STXBP5: variants seen among roughly 807,000 people sequenced by gnomAD.
STXBP5 encodes the protein syntaxin binding protein 5.
Under a neutral mutation model 152.4 loss-of-function variants are expected in STXBP5, and 50 were observed. The ratio of observed to expected loss-of-function variants is 0.33; its 90% confidence interval spans 0.26 to 0.42. The LOEUF is 0.42. Among genes scored for constraint, STXBP5 ranks in the 10% least tolerant of loss-of-function variants. The pLI is 1.00. For missense variants in STXBP5, 1,167 were observed against 1,388.6 expected, an observed-to-expected ratio of 0.84 and a Z score of 2.54; for synonymous variants, 492 against 494.7, an observed-to-expected ratio of 0.99 and a Z score of 0.07.
intron 23 of STXBP5, among the ~76,000 whole-genome samples, chr6:147,361,485 G>A (rs1321395561): frequency 6.6e-6 from 1 of 152,126 alleles, no homozygotes; most frequent in Non-Finnish European, 1.5e-5. Flanking sequence ...ATATATCAGT[G>A]ACACTCATGT....
intron 11 of STXBP5, among the ~76,000 whole-genome samples, chr6:147,313,118 T>C (rs940843969): frequency 6.6e-6 from 1 of 152,292 alleles, no homozygotes; most frequent in African/African-American, 2.4e-5. Context: ...TGGGTTCATT[T>C]TGCAGTCTAT....
intron 4 of STXBP5, among the ~76,000 whole-genome samples, chr6:147,246,372 C>A (rs778855847): frequency 6.6e-6 from 1 of 152,098 alleles, no homozygotes; most frequent in African/African-American, 2.4e-5. Flanking sequence ...AGACTGAAAA[C>A]TGAATTATAT....
At chr6:147,304,482 A>G (rs1173903970) in intron 9 of STXBP5, among the ~76,000 whole-genome samples, 2 of 152,170 alleles carry the variant, frequency 1.3e-5, no homozygotes, top group African/African-American at 4.8e-5. Context: ...GAGAACCTCT[A>G]CTAGGGCAGT....
At chr6:147,320,581 G>GTGTT (rs1554297950) in intron 16 of STXBP5, among the ~76,000 whole-genome samples, 1 of 145,224 alleles carries the variant, frequency 6.9e-6, no homozygotes, top group Non-Finnish European at 1.5e-5. Flanking sequence ...GTGTGTGTGT[G>GTGTT]TGTGTGTGTG....
chr6:147,383,653 A>G (rs757354666), intron 27 of STXBP5, among the ~76,000 whole-genome samples: 1 of 152,120 alleles, frequency 6.6e-6, no homozygotes, highest in Non-Finnish European at 1.5e-5. Context: ...GGTGCTTTAC[A>G]CTAGGTTACT....
intron 2 of STXBP5, among the ~76,000 whole-genome samples, chr6:147,217,662 G>A (rs1390737651): frequency 6.6e-6 from 1 of 152,146 alleles, no homozygotes; most frequent in Non-Finnish European, 1.5e-5. Context: ...AATAGTGGAA[G>A]GAGGTAACTA....
At chr6:147,219,528 C>G (rs1354339915) in intron 2 of STXBP5, among the ~76,000 whole-genome samples, 1 of 152,076 alleles carries the variant, frequency 6.6e-6, no homozygotes, top group Non-Finnish European at 1.5e-5. Flanking sequence ...CTGGTACTTT[C>G]TATTTTGGGA....
intron 7 of STXBP5, 61 bp downstream of exon 7, chr6:147,267,228 A>G (rs1225014882): frequency 3.3e-5 from 47 of 1,408,674 alleles, no homozygotes; most frequent in Non-Finnish European, 4.1e-5. Flanking sequence ...CAGTTTCTCT[A>G]AAAACTTAAT....
Position 147,316,274 on chromosome 6 carries a change from C to G in STXBP5, c.1669C>G (p.Pro557Ala). Residue 557 changes from proline to alanine, a missense_variant, in exon 16 of 28, where the codon CCG (proline) becomes GCG (alanine). Coordinates refer to ENST00000321680, the MANE Select transcript of STXBP5 (RefSeq NM_001127715.4). ...LLYEINDVETPEGEQPPPLPT... is the reference protein window; with the variant it reads ...LLYEINDVETAEGEQPPPLPT... ...ATATGAGATAAATGATGTGGAAACTCCGGAGGGTGAGCAGCCACCACCTTT... is the reference window on the plus strand; with the variant it reads ...ATATGAGATAAATGATGTGGAAACTGCGGAGGGTGAGCAGCCACCACCTTT... 6.2e-7 allele frequency: 1 copy of G among 1,613,872 alleles called. No homozygotes were observed. The highest frequency in any genetic ancestry group is 1.1e-5 in the South Asian group (1 of 91,074).
rs1036215153 is a variant in STXBP5, at chr6:147,384,887, A to G, written c.*132A>G. ...CTGTTCTTTCCTAGCACAGTCATGC[A>G]CTGTTTTACCTCAGTCATGTGGCTT... On this transcript the variant is annotated 3_prime_UTR_variant, in exon 28 of 28. Coordinates refer to ENST00000321680, the MANE Select transcript of STXBP5 (RefSeq NM_001127715.4). The G allele has an allele frequency of 2.7e-5, 25 of 913,936 alleles. No homozygotes were observed. The African/African-American group carries it at 3.2e-4, about 12-fold the overall frequency. The allele number at this position is 913,936 out of a possible 1,614,324, so 56.6% of individuals were successfully genotyped here. A position where few individuals can be genotyped will look rare whatever the true frequency, so the allele number is the denominator to read the frequency against.
chr6:147,367,572 A>T (rs1302813669), intron 25 of STXBP5, among the ~76,000 whole-genome samples: 3 of 152,176 alleles, frequency 2.0e-5, no homozygotes, highest in African/African-American at 7.2e-5. Context: ...CGGGAGGCGG[A>T]GCTTGCAGTG....
chr6:147,380,266 C>T (rs1786016813), intron 26 of STXBP5, among the ~76,000 whole-genome samples: 1 of 150,814 alleles, frequency 6.6e-6, no homozygotes. Flanking sequence ...TCAAAACTTA[C>T]TACAAAGCTA....
intron 2 of STXBP5, among the ~76,000 whole-genome samples, chr6:147,228,204 C>T (rs993157732): frequency 6.6e-6 from 1 of 151,846 alleles, no homozygotes; most frequent in African/African-American, 2.4e-5. Flanking sequence ...TTTATTGGAG[C>T]ATAGTCTTAA....
intron 7 of STXBP5, among the ~76,000 whole-genome samples, chr6:147,271,276 A>T (rs559212247): frequency 6.6e-6 from 1 of 152,304 alleles, no homozygotes; most frequent in East Asian, 1.9e-4. Flanking sequence ...AAGTAATATT[A>T]GCAGTAATCA....
chr6:147,211,593 T>C (rs977352250), intron 2 of STXBP5, among the ~76,000 whole-genome samples: 8 of 152,106 alleles, frequency 5.3e-5, no homozygotes, highest in Non-Finnish European at 5.9e-5. Flanking sequence ...GTGTGTTTTG[T>C]TTGTTTGTTT....
At position 147,386,487 on chromosome 6, in the gene STXBP5, A is replaced by G. The variant is rs1421539930; in HGVS notation, c.*1732A>G. On this transcript the variant is annotated 3_prime_UTR_variant, in exon 28 of 28. Coordinates refer to ENST00000321680, the MANE Select transcript of STXBP5 (RefSeq NM_001127715.4). ...AAAGTTTACATCAAAGTTTACTTTA[A>G]ATATCATTTGGTAGGGACTAAATGT... 6.6e-6 allele frequency: 1 copy of G among 151,804 alleles called. No individual in the cohort carries two copies. The highest frequency in any genetic ancestry group is 1.5e-5 in the Non-Finnish European group (1 of 67,818). 9.4% of individuals were successfully genotyped at this position (151,804 alleles called of 1,614,324 possible).
Position 147,384,902 on chromosome 6 carries a change from T to C in STXBP5, c.*147T>C. ...ACAGTCATGCACTGTTTTACCTCAG[T>C]CATGTGGCTTTAACTGAGGAGTGTT... On this transcript the variant is annotated 3_prime_UTR_variant, in exon 28 of 28. Transcript: ENST00000321680. The C allele has an allele frequency of 2.5e-6, 2 of 800,922 alleles. No homozygotes were observed. Among genetic ancestry groups the C allele is most frequent in the Non-Finnish European group, 2.1e-6 (1 of 486,832 alleles). 49.6% of individuals were successfully genotyped at this position (800,922 alleles called of 1,614,324 possible).
intron 2 of STXBP5, 74 bp downstream of exon 2, chr6:147,206,142 C>T (rs1338926053): frequency 7.6e-7 from 1 of 1,317,334 alleles, no homozygotes; most frequent in Non-Finnish European, 1.1e-6. Flanking sequence ...TGATTAGTTC[C>T]AAAGAAAGTT....
At chr6:147,333,917 T>A (rs995740565) in intron 18 of STXBP5, among the ~76,000 whole-genome samples, 15 of 152,236 alleles carry the variant, frequency 9.9e-5, no homozygotes, top group African/African-American at 3.4e-4. Flanking sequence ...TTGTTTACTT[T>A]GTATTTTATC....
Sources: gnomAD v4.1 joint callset for allele counts (sites outside exome capture counted in the v4.1 genomes callset) on GRCh38, gnomAD v4.1.1 for gene constraint, MANE v1.5 for transcripts, NCBI Gene and HGNC (gene_info 2026-07-23, HGNC 2026-07-21) for gene names.